Variants in ZHX2 observed in about 807,000 individuals in gnomAD.
The protein encoded by ZHX2 is zinc fingers and homeoboxes 2.
ZHX2 carries 6 observed loss-of-function variants against 21.9 expected under a neutral mutation model. The ratio of observed to expected loss-of-function variants is 0.27; its 90% CI spans 0.15 to 0.54. ZHX2 has a LOEUF of 0.54. ZHX2 is among the 20% of genes least tolerant of loss of function. The pLI is 0.95. For synonymous variants in ZHX2, 434 were observed against 437.1 expected (o/e 0.99, Z 0.09); for missense variants, 908 against 1,090.7 (o/e 0.83, Z 2.36).
chr8:122,916,247 G>A (rs1284444044), intron 2 of ZHX2, among the ~76,000 whole-genome samples: 2 of 152,236 alleles, frequency 1.3e-5, no homozygotes, highest in South Asian at 2.1e-4. Context: ...ACAAGAAGAG[G>A]AGGCTCATTC....
At chr8:122,949,278 G>A (rs968309794) in intron 2 of ZHX2, among the ~76,000 whole-genome samples, 18 of 152,096 alleles carry the variant, frequency 1.2e-4, no homozygotes, top group African/African-American at 3.6e-4. Context: ...AGCCAAGACC[G>A]CGCCGTTATA....
chr8:122,857,882 C>A (rs1326827039), intron 1 of ZHX2, among the ~76,000 whole-genome samples: 2 of 152,242 alleles, frequency 1.3e-5, no homozygotes, highest in Non-Finnish European at 2.9e-5. Flanking sequence ...CCTCCTGGAA[C>A]AGAGCCATGT....
intron 3 of ZHX2, among the ~76,000 whole-genome samples, chr8:122,963,687 G>A (rs1240887801): frequency 6.6e-6 from 1 of 152,066 alleles, no homozygotes; most frequent in Non-Finnish European, 1.5e-5. Context: ...GGTGGGAATT[G>A]CATTGAATTT....
At chr8:122,902,122 G>T (rs1428396731) in intron 2 of ZHX2, among the ~76,000 whole-genome samples, 1 of 152,168 alleles carries the variant, frequency 6.6e-6, no homozygotes, top group Non-Finnish European at 1.5e-5. Context: ...TGTCTTCATG[G>T]AATCGGAAAG....
chr8:122,858,142 C>G (rs919576089), intron 1 of ZHX2, among the ~76,000 whole-genome samples: 9 of 152,186 alleles, frequency 5.9e-5, no homozygotes, highest in Admixed American at 5.2e-4. Flanking sequence ...TGACCTTGCT[C>G]TTATTTCTGG....
At chr8:122,836,267 T>G (rs1818493368) in intron 1 of ZHX2, among the ~76,000 whole-genome samples, 1 of 151,432 alleles carries the variant, frequency 6.6e-6, no homozygotes, top group African/African-American at 2.5e-5. Context: ...CATGTGGATT[T>G]TCCCCTGTTA....
rs1172046535 is a variant in ZHX2 at position 122,973,544 on chromosome 8, G to A, written c.*307G>A. The A allele has an allele frequency of 1.3e-5, 2 of 152,582 alleles. No homozygotes were observed. Among genetic ancestry groups the A allele is most frequent in the Non-Finnish European group, 2.9e-5 (2 of 68,036 alleles). 9.5% of individuals were successfully genotyped at this position (152,582 alleles called of 1,614,324 possible). On this transcript the variant is annotated 3_prime_UTR_variant, in exon 4 of 4. Coordinates refer to ENST00000314393, the MANE Select transcript of ZHX2 (RefSeq NM_014943.5). ...ATACTGGAACCGATTTGTACAATGT[G>A]GGAATTTTGTTACCTTTTTAATCAA...
At chr8:122,968,671 T>C (rs980667375) in intron 3 of ZHX2, among the ~76,000 whole-genome samples, 1 of 151,800 alleles carries the variant, frequency 6.6e-6, no homozygotes, top group South Asian at 2.1e-4. Context: ...AAACCTCATC[T>C]CTACTAAAAA....
At chr8:122,812,080 A>G (rs563352523) in intron 1 of ZHX2, 7 of 152,364 alleles carry the variant, frequency 4.6e-5, no homozygotes, top group Admixed American at 4.6e-4. Flanking sequence ...AAACAATAGT[A>G]ACCTTAGACT....
rs749478975 is a variant in ZHX2 at position 122,819,461 on chromosome 8, TAGA to T, written c.-283+37521_-283+37523del. Among the ~76,000 whole-genome samples, 45 of 152,376 alleles carry T rather than the reference TAGA, an allele frequency of 3.0e-4. 1 individual carries two copies. The highest frequency in any genetic ancestry group is 6.2e-4 in the South Asian group (3 of 4,830). ...ACAAAGATGGCCATAGAAGGCTTTT[TAGA>T]AGAAGGACTTGAACTTGGTTTGAAA... On this transcript the variant is annotated intron_variant, in intron 1 of 3. Transcript: ENST00000314393.
intron 2 of ZHX2, among the ~76,000 whole-genome samples, chr8:122,872,457 C>T (rs150208022): frequency 1.3e-5 from 2 of 152,302 alleles, no homozygotes; most frequent in Admixed American, 6.5e-5. Flanking sequence ...TTGCCTCTTC[C>T]TCCACTATTA....
intron 1 of ZHX2, among the ~76,000 whole-genome samples, chr8:122,784,084 A>G (rs1817347261): frequency 2.0e-5 from 3 of 152,322 alleles, no homozygotes; most frequent in South Asian, 4.1e-4. Context: ...GGGGGAAAAC[A>G]CCACTGTTTG....
At chr8:122,814,463 A>G (rs1022699886) in intron 1 of ZHX2, among the ~76,000 whole-genome samples, 7 of 152,218 alleles carry the variant, frequency 4.6e-5, no homozygotes, top group African/African-American at 1.7e-4. Context: ...CTCACAGCCT[A>G]CTTGGCATAA....
chr8:122,846,589 T>C, intron 1 of ZHX2, among the ~76,000 whole-genome samples: 1 of 151,746 alleles, frequency 6.6e-6, no homozygotes, highest in East Asian at 1.9e-4. Flanking sequence ...ATGGGATCTT[T>C]CCTCTGCTCA....
At chr8:122,858,013 A>AG (rs1171933524) in intron 1 of ZHX2, among the ~76,000 whole-genome samples, 1 of 152,226 alleles carries the variant, frequency 6.6e-6, no homozygotes, top group Admixed American at 6.5e-5. Context: ...TTAGGGACCA[A>AG]GGTGAAATAT....
At chr8:122,826,081 G>A (rs1392225916) in intron 1 of ZHX2, among the ~76,000 whole-genome samples, 1 of 152,176 alleles carries the variant, frequency 6.6e-6, no homozygotes, top group Non-Finnish European at 1.5e-5. Flanking sequence ...AGAAACACTT[G>A]AGCCTAGTGG....
chr8:122,795,548 A>G (rs1260990820), intron 1 of ZHX2, among the ~76,000 whole-genome samples: 1 of 136,102 alleles, frequency 7.3e-6, no homozygotes, highest in Non-Finnish European at 1.7e-5. Context: ...CCAATAGTAA[A>G]CTTTTTTTTT....
At chr8:122,914,123 G>A (rs537532771) in intron 2 of ZHX2, among the ~76,000 whole-genome samples, 9 of 152,308 alleles carry the variant, frequency 5.9e-5, no homozygotes, top group African/African-American at 2.2e-4. Flanking sequence ...CATATTCCAA[G>A]TACCTAGCAC....
At chr8:122,794,745 C>T (rs1397910275) in intron 1 of ZHX2, among the ~76,000 whole-genome samples, 8 of 152,176 alleles carry the variant, frequency 5.3e-5, no homozygotes, top group Non-Finnish European at 1.0e-4. Flanking sequence ...ATACCCCACA[C>T]TTCAGTCATA....
Sources: allele counts gnomAD v4.1 joint callset (sites outside exome capture counted in the v4.1 genomes callset), GRCh38; gene constraint gnomAD v4.1.1; transcripts MANE v1.5; gene names NCBI Gene and HGNC (gene_info 2026-07-23, HGNC 2026-07-21).